CACNA1C: variants seen among roughly 807,000 people sequenced by gnomAD.
CACNA1C encodes the protein voltage-dependent L-type calcium channel subunit alpha-1C.
Under a neutral mutation model 229.0 loss-of-function variants are expected in CACNA1C, and 30 were observed. The observed-to-expected ratio is 0.13, with a 90% confidence interval of 0.10 to 0.18. The LOEUF (loss-of-function observed/expected upper bound fraction) is 0.18, where lower values mean the gene tolerates loss of function less well. Among genes scored for constraint, CACNA1C ranks in the 10% least tolerant of loss-of-function variants. CACNA1C has a pLI of 1.00. For missense variants in CACNA1C, 1,658 were observed against 2,845.0 expected, an observed-to-expected ratio of 0.58 and a Z score of 9.49; for synonymous variants, 1,114 against 1,132.5, an observed-to-expected ratio of 0.98 and a Z score of 0.33.
At chr12:2,227,512 T>A (rs1022004229) in intron 3 of CACNA1C, among the ~76,000 whole-genome samples, 1 of 152,240 alleles carries the variant, frequency 6.6e-6, no homozygotes, top group Non-Finnish European at 1.5e-5. Flanking sequence ...CTGGATGTGC[T>A]CAGCCTGTGG....
chr12:2,425,212 G>A (rs893920554), intron 3 of CACNA1C, among the ~76,000 whole-genome samples: 4 of 152,256 alleles, frequency 2.6e-5, no homozygotes, highest in African/African-American at 7.2e-5. Flanking sequence ...AAGGTTATTG[G>A]AAATGATATT....
rs549226877 is a variant in CACNA1C, at chr12:2,069,724, G to A, written c.49+16113G>A. On this transcript the variant is annotated intron_variant, in intron 1 of 46. Transcript: ENST00000399655. ...ACTTGAGTATTTCAAAGGGATTGAT[G>A]GAAATATGGCAGGAGAAAACTTTGT... Among the ~76,000 whole-genome samples, 379 of 152,300 alleles carry A rather than the reference G, an allele frequency of 2.5e-3. 4 individuals are homozygous for A. Among genetic ancestry groups the A allele is most frequent in the Admixed American group, 6.3e-3 (97 of 15,308 alleles).
At chr12:2,456,400 T>A (rs1596828074) in intron 4 of CACNA1C, among the ~76,000 whole-genome samples, 1 of 152,296 alleles carries the variant, frequency 6.6e-6, no homozygotes, top group East Asian at 1.9e-4. Context: ...TGTAGTTAGA[T>A]CATGTCACTC....
rs980617034 is a variant in CACNA1C at position 2,319,623 on chromosome 12, T to C, written c.478-129353T>C. On this transcript the variant is annotated intron_variant, in intron 3 of 46. Transcript: ENST00000399655. The surrounding 1 kb of genome is among the most constrained non-coding windows in gnomAD (Gnocchi z 4.0). ...CATTTCTGGAGGTCTCCACACACCC[T>C]CCGGGCAGACCTCATCTTCTTCAGA... is the stretch of plus-strand genomic sequence containing the variant. 1.3e-5 allele frequency among the ~76,000 whole-genome samples: 2 copies of C among 152,140 alleles called. No homozygotes were observed. Among genetic ancestry groups the C allele is most frequent in the African/African-American group, 4.8e-5 (2 of 41,428 alleles).
chr12:2,438,257 G>A (rs1157728635), intron 3 of CACNA1C, among the ~76,000 whole-genome samples: 2 of 147,100 alleles, frequency 1.4e-5, no homozygotes, highest in East Asian at 4.1e-4. Context: ...GATAATGATG[G>A]TGATGGTGGT....
intron 3 of CACNA1C, among the ~76,000 whole-genome samples, chr12:2,369,734 C>A (rs1258640282): frequency 1.3e-5 from 2 of 152,074 alleles, no homozygotes; most frequent in East Asian, 1.9e-4. Flanking sequence ...TTAGACAAAG[C>A]AAATTACAGG....
chr12:2,572,353 CCT>C (rs2055310536), intron 13 of CACNA1C, among the ~76,000 whole-genome samples: 1 of 125,764 alleles, frequency 8.0e-6, no homozygotes, highest in Non-Finnish European at 1.7e-5. Context: ...TCCTCCTCCT[CCT>C]CTCCTCCTCC....
At position 2,582,715 on chromosome 12, in the gene CACNA1C, G is replaced by A. The variant is rs2060986965; in HGVS notation, c.2104-107G>A. The A allele has an allele frequency of 2.4e-6, 3 of 1,257,662 alleles. No individual in the cohort carries two copies. In the Admixed American group the frequency reaches 6.2e-5, roughly 26 times the overall value. 77.9% of individuals were successfully genotyped at this position (1,257,662 alleles called of 1,614,324 possible). A position where few individuals can be genotyped will look rare whatever the true frequency, so the allele number is the denominator to read the frequency against. On this transcript the variant is annotated intron_variant, in intron 14 of 46. Coordinates refer to ENST00000399655, the MANE Select transcript of CACNA1C (RefSeq NM_000719.7). ...GCCAGGAGGAGGGAAAGAAGTGAAA[G>A]GGAAATTTTGGACAATTTTGTTGAC...
intron 18 of CACNA1C, among the ~76,000 whole-genome samples, chr12:2,590,325 C>T (rs973974955): frequency 4.6e-5 from 7 of 152,196 alleles, no homozygotes; most frequent in African/African-American, 1.2e-4. Flanking sequence ...GCAACTCCAG[C>T]GTGCAGCAGC....
Position 2,410,204 on chromosome 12 carries a change from G to T in CACNA1C, c.478-38772G>T, listed in dbSNP as rs145101247. Among the ~76,000 whole-genome samples, 242 of 152,298 alleles carry T rather than the reference G, an allele frequency of 1.6e-3. No individual in the cohort carries two copies. Among genetic ancestry groups the T allele is most frequent in the Admixed American group, 3.6e-3 (55 of 15,302 alleles). ...CAGGGTCCTTCCCCGCAGCACTGAGGCTTGGCCAGTCGTGATGCCTATGGC... is the reference window on the plus strand; with the variant it reads ...CAGGGTCCTTCCCCGCAGCACTGAGTCTTGGCCAGTCGTGATGCCTATGGC... On this transcript the variant is annotated intron_variant, in intron 3 of 46. Transcript: ENST00000399655. This position sits in a 1 kb window ranked among gnomAD's most constrained non-coding sequence, Gnocchi z 5.3.
chr12:2,523,351 G>A (rs1445673516), intron 9 of CACNA1C, among the ~76,000 whole-genome samples: 2 of 152,296 alleles, frequency 1.3e-5, no homozygotes, highest in Non-Finnish European at 2.9e-5. Flanking sequence ...TGTCAATTCC[G>A]TGACCTATCC....
rs2098800977 is a variant in CACNA1C, at chr12:2,410,968, T to TCA, written c.478-38008_478-38007insCA. Reference sequence around the variant, plus strand: ...TCTCATCTTTCTCTCCCTACTCCCCTTGCAGCATGAGAGGCCCAGTACCTG... The same window carrying TCA: ...TCTCATCTTTCTCTCCCTACTCCCCTCATGCAGCATGAGAGGCCCAGTACCTG... On this transcript the variant is annotated intron_variant, in intron 3 of 46. Transcript: ENST00000399655. The surrounding 1 kb of genome is among the most constrained non-coding windows in gnomAD (Gnocchi z 5.3). Among the ~76,000 whole-genome samples the TCA allele has an allele frequency of 6.6e-6, 1 of 152,086 alleles. No individual in the cohort carries two copies. Among genetic ancestry groups the TCA allele is most frequent in the Admixed American group, 6.6e-5 (1 of 15,258 alleles).
chr12:2,233,254 G>C (rs559775081), intron 3 of CACNA1C, among the ~76,000 whole-genome samples: 1 of 152,184 alleles, frequency 6.6e-6, no homozygotes, highest in Non-Finnish European at 1.5e-5. Flanking sequence ...TTGTGTCACC[G>C]TGTCCATGTG....
intron 1 of CACNA1C, chr12:1,993,362 A>G (rs1237743865): frequency 6.2e-7 from 1 of 1,613,596 alleles, no homozygotes; most frequent in Non-Finnish European, 8.5e-7. Flanking sequence ...CCTATTCATA[A>G]TGGTGAATCC....
intron 13 of CACNA1C, among the ~76,000 whole-genome samples, chr12:2,573,229 G>T (rs1488482451): frequency 6.6e-6 from 1 of 151,992 alleles, no homozygotes; most frequent in Non-Finnish European, 1.5e-5. Flanking sequence ...TTTATTTTTT[G>T]TAGAGATGGG....
At chr12:2,309,896 C>T (rs775687540) in intron 3 of CACNA1C, among the ~76,000 whole-genome samples, 11 of 152,066 alleles carry the variant, frequency 7.2e-5, no homozygotes, top group Non-Finnish European at 1.6e-4. Context: ...CCTAGTCAGC[C>T]GGGGAACTGC....
chr12:2,414,788 C>T (rs895465282), intron 3 of CACNA1C, among the ~76,000 whole-genome samples: 4 of 152,184 alleles, frequency 2.6e-5, no homozygotes, highest in South Asian at 4.1e-4. Context: ...ATGTGGGCAG[C>T]CCTGAGCTGG....
chr12:2,535,704 T>TAAAAAAAAAAAAAAAAAAAAAAA (rs758857733), intron 9 of CACNA1C, among the ~76,000 whole-genome samples: 12 of 36,562 alleles, frequency 3.3e-4, no homozygotes, highest in Admixed American at 4.3e-4. Context: ...AGACCCTGTC[T>TAAAAAAAAAAAAAAAAAAAAAAA]AAAAAAAAAA....
chr12:2,295,586 T>C (rs1156843196), intron 3 of CACNA1C, among the ~76,000 whole-genome samples: 1 of 152,234 alleles, frequency 6.6e-6, no homozygotes, highest in Non-Finnish European at 1.5e-5. Flanking sequence ...CTGGCACAGC[T>C]GACGGGGCCA....
Sources: gnomAD v4.1 joint callset for allele counts (sites outside exome capture counted in the v4.1 genomes callset) on GRCh38, gnomAD v4.1.1 for gene constraint, Gnocchi (gnomAD v3.1) non-coding constraint, MANE v1.5 for transcripts, NCBI Gene and HGNC (gene_info 2026-07-23, HGNC 2026-07-21) for gene names.